The following ZCCHC2 variants were observed in gnomAD, a reference collection of about 807,000 sequenced individuals.
ZCCHC2 encodes the protein zinc finger CCHC-type containing 2, also known as zinc finger CCHC domain-containing protein 2.
ZCCHC2 carries 39 observed loss-of-function variants against 103.6 expected under a neutral mutation model. The ratio of observed to expected loss-of-function variants is 0.38; its 90% CI spans 0.29 to 0.49. ZCCHC2 has a LOEUF of 0.49. Among genes scored for constraint, ZCCHC2 ranks in the 20% least tolerant of loss-of-function variants. ZCCHC2 has a pLI of 0.96. For synonymous variants in ZCCHC2, 687 were observed against 608.9 expected, an observed-to-expected ratio of 1.13 and a Z score of -1.89; for missense variants, 1,483 against 1,491.0, an observed-to-expected ratio of 0.99 and a Z score of 0.09.
rs868415676 is a variant in ZCCHC2 at position 62,528,594 on chromosome 18, C to T, written c.939+4231C>T. On this transcript the variant is annotated intron_variant, in intron 1 of 13. Transcript: ENST00000269499. ...AGCCTGGGCGACAGAGTGAGACTGT[C>T]TCGGGAAAAAAAAAAAAAACCTTGT... Among the ~76,000 whole-genome samples, 12 of 63,246 alleles carry T rather than the reference C, an allele frequency of 1.9e-4. No individual in the cohort carries two copies. The East Asian group carries it at 6.1e-3, about 32-fold the overall frequency. The allele number at this position is 63,246 out of a possible 152,430, so 41.5% of individuals were successfully genotyped here.
intron 2 of ZCCHC2, 52 bp downstream of exon 2, chr18:62,539,844 G>A (rs763323439): frequency 7.1e-7 from 1 of 1,411,736 alleles, no homozygotes; most frequent in Non-Finnish European, 9.8e-7. Context: ...AAAGATTACA[G>A]GGTGCTCTTT....
At chr18:62,579,101 G>A (rs1160631727), downstream of ZCCHC2, among the ~76,000 whole-genome samples, 1 of 152,114 alleles carries the variant, frequency 6.6e-6, no homozygotes, top group Admixed American at 6.5e-5. Flanking sequence ...TAATCTGCGT[G>A]ACCACTAGAG....
chr18:62,568,545 TCAC>T (rs1916466282), intron 11 of ZCCHC2, among the ~76,000 whole-genome samples: 1 of 152,252 alleles, frequency 6.6e-6, no homozygotes, highest in Non-Finnish European at 1.5e-5. Flanking sequence ...ATTAGAATAT[TCAC>T]CAGCTTGCAC....
chr18:62,530,545 A>G (rs1392577045), intron 1 of ZCCHC2, among the ~76,000 whole-genome samples: 1 of 151,984 alleles, frequency 6.6e-6, no homozygotes, highest in Non-Finnish European at 1.5e-5. Context: ...AAAAATCCTT[A>G]TAGTGGAGTA....
At chr18:62,561,660 C>T (rs1314325390) in intron 8 of ZCCHC2, among the ~76,000 whole-genome samples, 3 of 152,226 alleles carry the variant, frequency 2.0e-5, no homozygotes, top group Non-Finnish European at 1.5e-5. Context: ...GGATCACTTC[C>T]CAAATAAACT....
intron 2 of ZCCHC2, among the ~76,000 whole-genome samples, chr18:62,540,089 A>G (rs938983385): frequency 6.6e-6 from 1 of 152,174 alleles, no homozygotes; most frequent in Non-Finnish European, 1.5e-5. Flanking sequence ...CCCCCAGAGT[A>G]TTTAGTATAG....
chr18:62,550,207 T>A (rs1414792230), intron 4 of ZCCHC2, 141 bp from the exon 5 acceptor site: 4 of 631,154 alleles, frequency 6.3e-6, no homozygotes, highest in Non-Finnish European at 1.1e-5. Flanking sequence ...GGGTCAGATG[T>A]TGTGAAGATT....
Position 62,575,464 on chromosome 18 carries a change from A to G in ZCCHC2, c.3383A>G (p.Asn1128Ser), listed in dbSNP as rs2145538222. The G allele has an allele frequency of 4.3e-6, 7 of 1,614,056 alleles. No homozygotes were observed. The highest frequency in any genetic ancestry group is 5.9e-6 in the Non-Finnish European group (7 of 1,179,898). Residue 1128 changes from asparagine to serine, a missense_variant, in exon 13 of 14, where the codon AAT becomes AGT. By Grantham distance (46) the Asn-to-Ser change is conservative. Transcript: ENST00000269499. ...ACCAGTGGTTCGGGGCCCAAGAAGA[A>G]TGGGAATGTCTCATGTTACAATTGT... ...ANTSGSGPKK[N>S]GNVSCYNCGV...
chr18:62,579,263 C>T (rs1400531933), downstream of ZCCHC2, among the ~76,000 whole-genome samples: 1 of 152,222 alleles, frequency 6.6e-6, no homozygotes, highest in Non-Finnish European at 1.5e-5. Context: ...ACTTTATCAA[C>T]TTTGTTAGTG....
In ZCCHC2 at chr18:62,523,644, G is replaced by T; in HGVS notation, c.220G>T (p.Gly74Ter). The change falls in exon 1 of 14, where the codon GGA (glycine) becomes TGA (stop). Residue 74 changes from glycine (G) to a stop codon, truncating the protein, a stop_gained. Transcript: ENST00000269499. LOFTEE classifies it high-confidence loss of function. Reference protein sequence around the residue: ...PRGLGPPVAGGAAAGAGMPGG... With the variant: ...PRGLGPPVAG Reference sequence around the variant, plus strand: ...GGGACTCGGGCCGCCTGTTGCTGGTGGAGCGGCGGCGGGGGCGGGTATGCC... The same window carrying T: ...GGGACTCGGGCCGCCTGTTGCTGGTTGAGCGGCGGCGGGGGCGGGTATGCC... The T allele has an allele frequency of 7.7e-7, 1 of 1,290,960 alleles. No individual in the cohort carries two copies. Among genetic ancestry groups the T allele is most frequent in the South Asian group, 2.4e-5 (1 of 41,978 alleles). The allele number at this position is 1,290,960 out of a possible 1,614,324, so 80.0% of individuals were successfully genotyped here. A position where few individuals can be genotyped will look rare whatever the true frequency, so the allele number is the denominator to read the frequency against.
chr18:62,532,395 G>A (rs1301017223), intron 1 of ZCCHC2, among the ~76,000 whole-genome samples: 2 of 152,176 alleles, frequency 1.3e-5, no homozygotes, highest in African/African-American at 2.4e-5. Flanking sequence ...TTTTATAGTA[G>A]CCTTCTGATT....
exon 15 of ZCCHC2, chr18:62,584,831 CGAA>C (rs1484062705): frequency 2.0e-5 from 3 of 152,236 alleles, no homozygotes; most frequent in African/African-American, 7.2e-5. Flanking sequence ...TTCAGTGAGA[CGAA>C]GTGCTGCAGA....
intron 5 of ZCCHC2, among the ~76,000 whole-genome samples, chr18:62,553,156 ATGTGTGTGTGTGTG>A (rs142422088): frequency 0.017 from 2,399 of 139,826 alleles, 64 homozygotes; most frequent in African/African-American, 0.049. Context: ...CCTTAGATTT[ATGTGTGTGTGTGTG>A]TGTGTGTGTG....
chr18:62,554,592 A>T (rs1915803447), intron 5 of ZCCHC2, among the ~76,000 whole-genome samples: 1 of 152,134 alleles, frequency 6.6e-6, no homozygotes, highest in Non-Finnish European at 1.5e-5. Context: ...TAAATGTAAT[A>T]CTCAGTGTTC....
rs1412680547 is a variant in ZCCHC2 at position 62,560,591 on chromosome 18, G to A, written c.1497G>A (p.Val499=). 6.2e-7 allele frequency: 1 copy of A among 1,613,360 alleles called. No homozygotes were observed. The highest frequency in any genetic ancestry group is 8.5e-7 in the Non-Finnish European group (1 of 1,179,562). The part of the protein sequence containing the change: ...SSEASSQEED[V]LQHAIIHKKH... ...TTACTTTTTCCTCTCTTCTAGATGTGTTGCAGCATGCCATAATCCACAAGA... is the reference window on the plus strand; with the variant it reads ...TTACTTTTTCCTCTCTTCTAGATGTATTGCAGCATGCCATAATCCACAAGA... Residue 499 remains valine (V), a synonymous_variant, in exon 8 of 14, where the codon GTG becomes GTA. Transcript: ENST00000269499.
intron 1 of ZCCHC2, among the ~76,000 whole-genome samples, chr18:62,527,164 T>C (rs1224512927): frequency 6.6e-6 from 1 of 152,186 alleles, no homozygotes; most frequent in African/African-American, 2.4e-5. Context: ...AGTTAGCATC[T>C]TTTTAATTCT....
At chr18:62,539,563 A>G in intron 1 of ZCCHC2, 118 bp from the exon 2 acceptor site, 2 of 727,722 alleles carry the variant, frequency 2.7e-6, no homozygotes, top group Non-Finnish European at 4.6e-6. Flanking sequence ...GCAGTCACCT[A>G]TTGGACCTCT....
At position 62,523,077 on chromosome 18, in the gene ZCCHC2, G is replaced by C. The variant is rs1278283833; in HGVS notation, c.-348G>C. The C allele has an allele frequency of 6.6e-6, 1 of 152,270 alleles. No homozygotes were observed. Among genetic ancestry groups the C allele is most frequent in the Admixed American group, 6.5e-5 (1 of 15,288 alleles). The allele number at this position is 152,270 out of a possible 1,614,324, so 9.4% of individuals were successfully genotyped here. A position where few individuals can be genotyped will look rare whatever the true frequency, so the allele number is the denominator to read the frequency against. On this transcript the variant is annotated 5_prime_UTR_variant, in exon 1 of 14. Transcript: ENST00000269499. ...ACCGGCTCGCGAGGGAACAGCTCAG[G>C]CACCGCCGCCCCGGCTCAGCGCGGA...
intron 12 of ZCCHC2, among the ~76,000 whole-genome samples, chr18:62,572,775 T>C (rs959952911): frequency 6.6e-6 from 1 of 152,222 alleles, no homozygotes; most frequent in Non-Finnish European, 1.5e-5. Context: ...TTAACGCACT[T>C]CTTCCAAAAT....
Sources: gnomAD v4.1 joint callset for allele counts (sites outside exome capture counted in the v4.1 genomes callset) on GRCh38, gnomAD v4.1.1 for gene constraint, MANE v1.5 for transcripts, NCBI Gene and HGNC (gene_info 2026-07-23, HGNC 2026-07-21) for gene names.